ZNF75D: variants seen among roughly 807,000 people sequenced by gnomAD.
ZNF75D encodes zinc finger protein 75D, also known as zinc finger protein 75.
ZNF75D carries 33 observed loss-of-function variants against 33.3 expected under a neutral mutation model. The observed-to-expected ratio is 0.99, with a 90% CI of 0.75 to 1.32. ZNF75D has a LOEUF of 1.32. ZNF75D is among the 40% of genes most tolerant of loss of function. ZNF75D has a pLI of 0.00. For missense variants in ZNF75D, 338 were observed against 367.5 expected, an observed-to-expected ratio of 0.92 and a Z score of 0.66; for synonymous variants, 113 against 130.6, an observed-to-expected ratio of 0.87 and a Z score of 0.92.
chrX:135,300,776 T>A (rs938148304), intron 1 of ZNF75D, among the ~76,000 whole-genome samples: 1 of 108,479 alleles, frequency 9.2e-6, no homozygotes, highest in Non-Finnish European at 1.9e-5. Flanking sequence ...ACACAATTTA[T>A]CCATTTAGAA....
intron 1 of ZNF75D, among the ~76,000 whole-genome samples, chrX:135,339,343 T>C (rs2148498195): frequency 8.9e-6 from 1 of 112,263 alleles, no homozygotes; most frequent in Admixed American, 9.4e-5. Flanking sequence ...AGTGCCTCTG[T>C]GGATTCTCTT....
chrX:135,266,724 G>A (rs2083864323), intron 1 of ZNF75D, among the ~76,000 whole-genome samples: 1 of 111,876 alleles, frequency 8.9e-6, no homozygotes, highest in African/African-American at 3.2e-5. Flanking sequence ...AGATCTCCCA[G>A]ACTGAAAATC....
At chrX:135,277,954 T>C (rs191865556) in intron 1 of ZNF75D, among the ~76,000 whole-genome samples, 94 of 112,457 alleles carry the variant, frequency 8.4e-4, no homozygotes, top group Admixed American at 3.1e-3. Context: ...TTGCTTAGGA[T>C]TGTTTGGCTA....
chrX:135,335,908 A>G (rs1556442278), intron 1 of ZNF75D, among the ~76,000 whole-genome samples: 1 of 112,080 alleles, frequency 8.9e-6, no homozygotes, highest in Non-Finnish European at 1.9e-5. Context: ...CCTGAATTTT[A>G]TGGTAATCAC....
chrX:135,307,525 T>G (rs1036930157), intron 1 of ZNF75D, among the ~76,000 whole-genome samples: 2 of 111,701 alleles, frequency 1.8e-5, no homozygotes, highest in Admixed American at 1.9e-4. Flanking sequence ...CGTCACACTT[T>G]AATGGTAACA....
intron 6 of ZNF75D, 71 bp from the exon 7 acceptor site, chrX:135,287,917 G>A: frequency 2.4e-6 from 2 of 841,505 alleles, no homozygotes; most frequent in East Asian, 6.3e-5. Context: ...GGAGAGAAAA[G>A]TCAATGATGA....
At chrX:135,267,734 T>C (rs1297629579) in intron 1 of ZNF75D, among the ~76,000 whole-genome samples, 3 of 108,227 alleles carry the variant, frequency 2.8e-5, no homozygotes, top group African/African-American at 1.0e-4. Flanking sequence ...TGAAAAGTAG[T>C]GAAGGGAACA....
chrX:135,295,022 G>C (rs782078636), intron 2 of ZNF75D, among the ~76,000 whole-genome samples: 6 of 111,802 alleles, frequency 5.4e-5, no homozygotes, highest in African/African-American at 1.9e-4. Flanking sequence ...ACAAATGTCA[G>C]GTGGTTAAAA....
intron 1 of ZNF75D, among the ~76,000 whole-genome samples, chrX:135,275,238 A>G (rs1404131074): frequency 8.9e-6 from 1 of 112,682 alleles, no homozygotes; most frequent in Non-Finnish European, 1.9e-5. Context: ...GAAAGGCATC[A>G]GCAGTTTGGC....
rs567235696 is a variant in ZNF75D, at chrX:135,264,324, G to A, written n.828-8547C>T. On this transcript the variant is annotated intron_variant and non_coding_transcript_variant, in intron 1 of 3. Transcript: ENST00000494295. ...CCCATGATCCAATCACCTCCCACAAGGCCCCTCCTTTAACATGTGGCTATT... is the reference window on the plus strand; with the variant it reads ...CCCATGATCCAATCACCTCCCACAAAGCCCCTCCTTTAACATGTGGCTATT... Among the ~76,000 whole-genome samples, 6 of 111,499 alleles carry A rather than the reference G, an allele frequency of 5.4e-5. No individual in the cohort carries two copies. In the South Asian group the frequency reaches 2.3e-3, roughly 43 times the overall value.
intron 1 of ZNF75D, among the ~76,000 whole-genome samples, chrX:135,263,729 C>T (rs1161489728): frequency 8.9e-6 from 1 of 112,588 alleles, no homozygotes; most frequent in Non-Finnish European, 1.9e-5. Flanking sequence ...GTCACAGCTT[C>T]CCTTGGCTAG....
At chrX:135,275,665 T>C (rs2148463328) in intron 1 of ZNF75D, among the ~76,000 whole-genome samples, 1 of 110,483 alleles carries the variant, frequency 9.1e-6, no homozygotes, top group African/African-American at 3.3e-5. Flanking sequence ...CATATGTATA[T>C]ATAATATATT....
intron 1 of ZNF75D, among the ~76,000 whole-genome samples, chrX:135,320,958 A>C (rs2084488006): frequency 9.0e-6 from 1 of 111,409 alleles, no homozygotes; most frequent in Non-Finnish European, 1.9e-5. Flanking sequence ...ATCTTAGTCC[A>C]TTTTGTGCTG....
intron 1 of ZNF75D, among the ~76,000 whole-genome samples, chrX:135,304,877 T>C (rs17283955): frequency 0.25 from 28,242 of 111,890 alleles, 2,824 homozygotes; most frequent in South Asian, 0.43. Flanking sequence ...TGCGGAGCTA[T>C]GTCTCACCTT....
chrX:135,318,465 T>C (rs1365633571), intron 1 of ZNF75D, among the ~76,000 whole-genome samples: 2 of 111,639 alleles, frequency 1.8e-5, no homozygotes, highest in African/African-American at 6.5e-5. Flanking sequence ...GTAGGACAAT[T>C]TGGCAAAGTA....
At chrX:135,258,556 C>G (rs1044163519) in intron 1 of ZNF75D, among the ~76,000 whole-genome samples, 3 of 110,517 alleles carry the variant, frequency 2.7e-5, no homozygotes, top group African/African-American at 1.0e-4. Context: ...TGATGAGGAG[C>G]TTTTTTTCAT....
At chrX:135,315,425 G>A (rs2084408157) in intron 1 of ZNF75D, among the ~76,000 whole-genome samples, 1 of 112,306 alleles carries the variant, frequency 8.9e-6, no homozygotes, top group Admixed American at 9.4e-5. Context: ...GCAGTAGTTG[G>A]ATGAAATGTT....
At chrX:135,315,904 A>G (rs781925089) in intron 1 of ZNF75D, among the ~76,000 whole-genome samples, 28 of 111,696 alleles carry the variant, frequency 2.5e-4, no homozygotes, top group Non-Finnish European at 3.2e-4. Flanking sequence ...TTTTAAGTGG[A>G]GAAATTAATC....
intron 1 of ZNF75D, among the ~76,000 whole-genome samples, chrX:135,264,387 A>G (rs1420689537): frequency 1.8e-5 from 2 of 111,694 alleles, no homozygotes; most frequent in Admixed American, 1.9e-4. Context: ...CCACAGAGCC[A>G]AACCATAATA....
Sources: allele counts gnomAD v4.1 joint callset (sites outside exome capture counted in the v4.1 genomes callset), GRCh38; gene constraint gnomAD v4.1.1; transcripts MANE v1.5; gene names NCBI Gene and HGNC (gene_info 2026-07-23, HGNC 2026-07-21).